Variants in SDC2 observed in about 807,000 individuals in gnomAD.
The protein encoded by SDC2 is syndecan 2.
A neutral mutation model predicts 22.2 loss-of-function variants in SDC2; 13 were observed. The ratio of observed to expected loss-of-function variants is 0.59; its 90% CI spans 0.38 to 0.93. The LOEUF (loss-of-function observed/expected upper bound fraction) is 0.93. Ranked by LOEUF, SDC2 falls within the 40% of genes least tolerant of loss-of-function variation. The probability of loss-of-function intolerance (pLI) is 0.00; values close to 1 mark genes in which losing one functional copy is unlikely to be tolerated. For missense variants in SDC2, 235 were observed against 246.8 expected (o/e 0.95, Z 0.32); for synonymous variants, 94 against 92.8 (o/e 1.01, Z -0.07).
At chr8:96,569,593 G>C (rs1401979759) in intron 1 of SDC2, among the ~76,000 whole-genome samples, 2 of 152,212 alleles carry the variant, frequency 1.3e-5, no homozygotes, top group African/African-American at 4.8e-5. Context: ...AAAAGTTGGA[G>C]TCCAATTGTG....
At chr8:96,510,062 CTT>C (rs1211111153) in intron 1 of SDC2, among the ~76,000 whole-genome samples, 2 of 152,210 alleles carry the variant, frequency 1.3e-5, no homozygotes, top group African/African-American at 2.4e-5. Context: ...TGAAGGAAAA[CTT>C]TTCCTAGTGG....
chr8:96,592,983 G>A (rs768728742), intron 1 of SDC2, among the ~76,000 whole-genome samples: 1 of 152,214 alleles, frequency 6.6e-6, no homozygotes, highest in Non-Finnish European at 1.5e-5. Flanking sequence ...TAGCGGTAAA[G>A]TTCTGAGTAT....
At chr8:96,548,179 A>T (rs1813966820) in intron 1 of SDC2, among the ~76,000 whole-genome samples, 1 of 152,262 alleles carries the variant, frequency 6.6e-6, no homozygotes, top group South Asian at 2.1e-4. Flanking sequence ...TGCTAGGTGG[A>T]GCAATTTCAG....
intron 1 of SDC2, among the ~76,000 whole-genome samples, chr8:96,534,656 C>G (rs1044549847): frequency 6.6e-6 from 1 of 151,854 alleles, no homozygotes; most frequent in African/African-American, 2.4e-5. Flanking sequence ...AGGCTGATCT[C>G]AAACTCCTGG....
chr8:96,607,846 C>T (rs867212674), intron 3 of SDC2, among the ~76,000 whole-genome samples: 1 of 152,236 alleles, frequency 6.6e-6, no homozygotes, highest in African/African-American at 2.4e-5. Context: ...AGGAGTAAGG[C>T]TTGGGGATTG....
chr8:96,514,510 T>A (rs1813373625), intron 1 of SDC2, among the ~76,000 whole-genome samples: 1 of 152,146 alleles, frequency 6.6e-6, no homozygotes, highest in Non-Finnish European at 1.5e-5. Context: ...GACCCATGTG[T>A]CATAGTGCAG....
At chr8:96,572,902 T>A (rs1814420102) in intron 1 of SDC2, among the ~76,000 whole-genome samples, 1 of 152,228 alleles carries the variant, frequency 6.6e-6, no homozygotes, top group South Asian at 2.1e-4. Context: ...TTTTCAGTCC[T>A]AATCAGCTTT....
At chr8:96,606,581 G>T (rs1408873963) in intron 3 of SDC2, among the ~76,000 whole-genome samples, 4 of 152,204 alleles carry the variant, frequency 2.6e-5, no homozygotes, top group African/African-American at 7.2e-5. Flanking sequence ...GAGAACTGGG[G>T]CAGTGCTGTT....
chr8:96,599,475 G>C (rs1260604827), intron 2 of SDC2, among the ~76,000 whole-genome samples: 9 of 152,116 alleles, frequency 5.9e-5, no homozygotes, highest in Admixed American at 5.9e-4. Context: ...GTAAAATGTT[G>C]ATAGATAATT....
rs564142143 is a variant in SDC2, at chr8:96,513,956, C to T, written c.60+19625C>T. Among the ~76,000 whole-genome samples, 3 of 152,248 alleles carry T rather than the reference C, an allele frequency of 2.0e-5. No homozygotes were observed. In the South Asian group the frequency reaches 6.2e-4, roughly 32 times the overall value. ...GCTGACCTTTATAGCTTCCTTCTAA[C>T]CTTAGAAGATTCTGTACGACATTTT... On this transcript the variant is annotated intron_variant, in intron 1 of 4. Transcript: ENST00000302190.
Position 96,574,782 on chromosome 8 carries a change from A to G in SDC2, c.61-18698A>G, listed in dbSNP as rs191184509. The stretch of plus-strand genomic sequence containing the variant: ...ATGTTTTATGTCTTTGGAAAAATGG[A>G]AGAACTATGGAAAATGTATTGCGTT... On this transcript the variant is annotated intron_variant, in intron 1 of 4. Transcript: ENST00000302190. 3.3e-5 allele frequency among the ~76,000 whole-genome samples: 5 copies of G among 152,306 alleles called. No homozygotes were observed. The East Asian group carries it at 9.7e-4, about 29-fold the overall frequency.
chr8:96,539,794 T>A (rs115075884), intron 1 of SDC2, among the ~76,000 whole-genome samples: 2 of 152,356 alleles, frequency 1.3e-5, no homozygotes, highest in Admixed American at 1.3e-4. Context: ...TTTATAGTCT[T>A]TGGTCATTCC....
At chr8:96,580,483 C>T in intron 1 of SDC2, 1 of 985,268 alleles carries the variant, frequency 1.0e-6, no homozygotes, top group Non-Finnish European at 1.2e-6. Context: ...CATTTGGCAT[C>T]TTACATGTGA....
intron 1 of SDC2, among the ~76,000 whole-genome samples, chr8:96,511,885 G>A (rs1448285205): frequency 6.6e-6 from 1 of 151,662 alleles, no homozygotes; most frequent in Admixed American, 6.6e-5. Context: ...CAGAATTAGA[G>A]TAACAGCTAA....
At chr8:96,507,722 C>T (rs1813263646) in intron 1 of SDC2, among the ~76,000 whole-genome samples, 3 of 152,176 alleles carry the variant, frequency 2.0e-5, no homozygotes, top group Non-Finnish European at 2.9e-5. Flanking sequence ...TAAGAGAAAA[C>T]GAACATTCCT....
intron 1 of SDC2, among the ~76,000 whole-genome samples, chr8:96,561,154 C>A (rs1317334259): frequency 6.6e-6 from 1 of 152,108 alleles, no homozygotes; most frequent in African/African-American, 2.4e-5. Context: ...CAAAATAATT[C>A]TTCAAAGCCG....
At chr8:96,565,044 T>C (rs1217590200) in intron 1 of SDC2, among the ~76,000 whole-genome samples, 2 of 148,570 alleles carry the variant, frequency 1.3e-5, no homozygotes, top group African/African-American at 2.5e-5. Context: ...AAAATTACAG[T>C]GTGGTAAGCA....
chr8:96,504,701 C>T (rs942912575), intron 1 of SDC2, among the ~76,000 whole-genome samples: 10 of 152,074 alleles, frequency 6.6e-5, no homozygotes, highest in African/African-American at 9.7e-5. Context: ...TAAATATATA[C>T]GCATATGTTT....
intron 1 of SDC2, among the ~76,000 whole-genome samples, chr8:96,547,117 G>A (rs1276457946): frequency 6.6e-6 from 1 of 152,186 alleles, no homozygotes; most frequent in Non-Finnish European, 1.5e-5. Context: ...CTATTGATTT[G>A]CAAAACCTTT....
Sources: gnomAD v4.1 joint callset for allele counts (sites outside exome capture counted in the v4.1 genomes callset) on GRCh38, gnomAD v4.1.1 for gene constraint, MANE v1.5 for transcripts, NCBI Gene and HGNC (gene_info 2026-07-23, HGNC 2026-07-21) for gene names.